Variants in PPARG observed in about 807,000 individuals in gnomAD.
PPARG encodes the protein peroxisome proliferator activated receptor gamma, also known as peroxisome proliferator-activated receptor gamma.
In PPARG, 17 loss-of-function variants were observed where a neutral mutation model predicts 39.2. That is an observed-to-expected ratio of 0.43 (90% CI 0.30 to 0.65). PPARG has a LOEUF of 0.65. PPARG is among the 30% of genes least tolerant of loss of function. The pLI is 0.13. For synonymous variants in PPARG, 223 were observed against 215.7 expected (o/e 1.03, Z -0.30); for missense variants, 406 against 585.9 (o/e 0.69, Z 3.17).
intron 1 of PPARG, among the ~76,000 whole-genome samples, chr3:12,292,068 A>T (rs533489832): frequency 8.0e-4 from 122 of 152,342 alleles, no homozygotes; most frequent in African/African-American, 2.8e-3. Flanking sequence ...ACTGTAGTTC[A>T]AACCTCAATA....
intron 3 of PPARG, among the ~76,000 whole-genome samples, chr3:12,380,913 G>A (rs1319471947): frequency 6.6e-6 from 1 of 152,076 alleles, no homozygotes; most frequent in African/African-American, 2.4e-5. Flanking sequence ...TTTGCAAGTT[G>A]TTTCAAAGTA....
rs188450031 is a variant in PPARG, at chr3:12,365,202, A to G, written c.-8-14502A>G. On this transcript the variant is annotated intron_variant, in intron 2 of 7. Transcript: ENST00000651735. ...GCTCAGGCTATAATGCTTGCCCATC[A>G]GCAGTTCACCTGCTGTGCAGCCTGA... is the stretch of plus-strand genomic sequence containing the variant. 5.9e-5 allele frequency among the ~76,000 whole-genome samples: 9 copies of G among 152,364 alleles called. No homozygotes were observed. In the East Asian group the frequency reaches 1.5e-3, roughly 26 times the overall value.
Position 12,416,859 on chromosome 3 carries a change from A to G in PPARG, c.885A>G (p.Thr295=). ...CCGTGGAGGCTGTGCAGGAGATCAC[A>G]GAGTATGCCAAAAGCATTCCTGGTT... is the stretch of plus-strand genomic sequence containing the variant. ...FRSVEAVQEI[T]EYAKSIPGFV... The change falls in exon 7 of 8, where the codon ACA becomes ACG. Residue 295 remains threonine (T), a synonymous_variant. Coordinates refer to ENST00000651735, the MANE Select transcript of PPARG (RefSeq NM_138711.6). 2 of 1,614,182 alleles carry G rather than the reference A, an allele frequency of 1.2e-6. No homozygotes were observed. The highest frequency in any genetic ancestry group is 1.7e-6 in the Non-Finnish European group (2 of 1,180,008).
intron 5 of PPARG, among the ~76,000 whole-genome samples, chr3:12,396,874 T>TA (rs1175590733): frequency 3.3e-5 from 5 of 152,172 alleles, no homozygotes; most frequent in African/African-American, 1.2e-4. Flanking sequence ...TTTTTATTTT[T>TA]AAAATTTTCT....
chr3:12,418,725 A>G (rs1002226707), intron 7 of PPARG, among the ~76,000 whole-genome samples: 17 of 152,300 alleles, frequency 1.1e-4, no homozygotes, highest in African/African-American at 4.1e-4. Flanking sequence ...CGTGGCTAGC[A>G]AAAGATGGAG....
intron 1 of PPARG, among the ~76,000 whole-genome samples, chr3:12,293,527 T>C (rs576773368): frequency 6.6e-6 from 1 of 152,226 alleles, no homozygotes; most frequent in South Asian, 2.1e-4. Flanking sequence ...GGTAGAGAAA[T>C]AGGGAAATAC....
At chr3:12,394,934 G>A (rs1035538681) in intron 5 of PPARG, among the ~76,000 whole-genome samples, 1 of 152,146 alleles carries the variant, frequency 6.6e-6, no homozygotes, top group African/African-American at 2.4e-5. Context: ...TTCAGTATGC[G>A]CAAGAAAACA....
At chr3:12,343,878 T>TTTA (rs2048255281) in intron 2 of PPARG, among the ~76,000 whole-genome samples, 1 of 147,384 alleles carries the variant, frequency 6.8e-6, no homozygotes. Flanking sequence ...TTTTTTTTTT[T>TTTA]GAGACAGAAT....
At chr3:12,352,834 AG>A (rs992968245) in intron 2 of PPARG, among the ~76,000 whole-genome samples, 1 of 152,192 alleles carries the variant, frequency 6.6e-6, no homozygotes, top group Admixed American at 6.5e-5. Context: ...CCTCTTAACT[AG>A]GAGTTTTGTT....
At chr3:12,398,197 G>T (rs1415751964) in intron 5 of PPARG, among the ~76,000 whole-genome samples, 1 of 151,842 alleles carries the variant, frequency 6.6e-6, no homozygotes, top group Admixed American at 6.6e-5. Context: ...CAGTAAAAAT[G>T]ATAGAGAAAA....
intron 5 of PPARG, among the ~76,000 whole-genome samples, chr3:12,404,945 C>T (rs535711518): frequency 3.3e-5 from 5 of 152,350 alleles, no homozygotes; most frequent in Admixed American, 3.3e-4. Flanking sequence ...CATAAAAACG[C>T]ATGGCTGTGA....
At chr3:12,394,978 G>A (rs1019101284) in intron 5 of PPARG, among the ~76,000 whole-genome samples, 3 of 152,132 alleles carry the variant, frequency 2.0e-5, no homozygotes, top group Non-Finnish European at 2.9e-5. Context: ...ACTCCATTCC[G>A]TGTTAACCTT....
chr3:12,295,863 T>C (rs1470391948), intron 1 of PPARG, among the ~76,000 whole-genome samples: 1 of 152,128 alleles, frequency 6.6e-6, no homozygotes, highest in Non-Finnish European at 1.5e-5. Context: ...GTTTGATGTC[T>C]GCAAAAATCT....
intron 7 of PPARG, among the ~76,000 whole-genome samples, chr3:12,417,372 AT>A (rs1256889440): frequency 6.6e-6 from 1 of 152,120 alleles, no homozygotes; most frequent in Non-Finnish European, 1.5e-5. Flanking sequence ...CTTCTCTTTC[AT>A]CCCTCAACAA....
At chr3:12,415,024 T>C (rs1423303585) in intron 6 of PPARG, among the ~76,000 whole-genome samples, 1 of 152,240 alleles carries the variant, frequency 6.6e-6, no homozygotes, top group African/African-American at 2.4e-5. Flanking sequence ...ATGAAAATCA[T>C]AGAGTTCCAT....
intron 1 of PPARG, among the ~76,000 whole-genome samples, chr3:12,309,526 A>T (rs754703089): frequency 6.0e-4 from 92 of 152,318 alleles, no homozygotes; most frequent in Non-Finnish European, 1.0e-3. Flanking sequence ...TTTTAATATC[A>T]GTGTTATGAC....
intron 7 of PPARG, among the ~76,000 whole-genome samples, chr3:12,422,858 G>A (rs1375823951): frequency 6.6e-6 from 1 of 150,440 alleles, no homozygotes; most frequent in African/African-American, 2.5e-5. Context: ...CTCCAGCCTG[G>A]GCAACAGAGT....
intron 1 of PPARG, among the ~76,000 whole-genome samples, chr3:12,301,170 C>T (rs1395993063): frequency 6.6e-6 from 1 of 152,154 alleles, no homozygotes; most frequent in African/African-American, 2.4e-5. Flanking sequence ...TGTTGGACCT[C>T]GTAGTTGTTC....
intron 2 of PPARG, among the ~76,000 whole-genome samples, chr3:12,313,316 C>G (rs1045401317): frequency 1.3e-5 from 2 of 152,108 alleles, no homozygotes; most frequent in Admixed American, 1.3e-4. Flanking sequence ...CTGTCTGCTT[C>G]TAGAGGACCT....
Sources: allele counts gnomAD v4.1 joint callset (sites outside exome capture counted in the v4.1 genomes callset), GRCh38; gene constraint gnomAD v4.1.1; transcripts MANE v1.5; gene names NCBI Gene and HGNC (gene_info 2026-07-23, HGNC 2026-07-21).